The following PTPN4 variants were observed in gnomAD, a reference collection of about 807,000 sequenced individuals.
PTPN4 encodes the protein protein tyrosine phosphatase non-receptor type 4.
A neutral mutation model predicts 135.5 loss-of-function variants in PTPN4; 49 were observed. The observed-to-expected ratio is 0.36, with a 90% CI of 0.29 to 0.46. PTPN4 has a LOEUF of 0.46. Among genes scored for constraint, PTPN4 ranks in the 20% least tolerant of loss-of-function variants. The pLI is 1.00. For missense variants in PTPN4, 860 were observed against 1,101.0 expected (o/e 0.78, Z 3.10); for synonymous variants, 333 against 369.9 (o/e 0.90, Z 1.14).
intron 3 of PTPN4, among the ~76,000 whole-genome samples, chr2:119,870,747 T>C (rs894069626): frequency 1.3e-5 from 2 of 152,194 alleles, no homozygotes; most frequent in African/African-American, 4.8e-5. Context: ...TGAGAAAATA[T>C]GTATTTAGAT....
intron 1 of PTPN4, 75 bp from the exon 2 acceptor site, chr2:119,809,762 A>T (rs1691543394): frequency 7.9e-7 from 1 of 1,271,774 alleles, no homozygotes; most frequent in South Asian, 1.7e-5. Flanking sequence ...GAAATATATA[A>T]TAACTTTGCC....
At position 119,802,146 on chromosome 2, in the gene PTPN4, G is replaced by A. The variant is rs567295824; in HGVS notation, c.-17-7691G>A. Among the ~76,000 whole-genome samples, 87 of 152,046 alleles carry A rather than the reference G, an allele frequency of 5.7e-4. 2 individuals are homozygous for A. In the South Asian group the frequency reaches 0.015, roughly 25 times the overall value. On this transcript the variant is annotated intron_variant, in intron 1 of 26. Coordinates refer to ENST00000263708, the MANE Select transcript of PTPN4 (RefSeq NM_002830.4). ...TCTCGATCTCTTGACCTTGTAATCC[G>A]CCTGCCTTAGCCTCCCAAAGTGCTG...
At chr2:119,854,417 A>G (rs1677641656) in intron 2 of PTPN4, among the ~76,000 whole-genome samples, 1 of 152,210 alleles carries the variant, frequency 6.6e-6, no homozygotes, top group Non-Finnish European at 1.5e-5. Flanking sequence ...CTATCTGCGT[A>G]AAATAATTTC....
chr2:119,833,534 G>A (rs999524024), intron 2 of PTPN4, among the ~76,000 whole-genome samples: 1 of 152,044 alleles, frequency 6.6e-6, no homozygotes, highest in Non-Finnish European at 1.5e-5. Context: ...ATTGAGTCCT[G>A]CTAACTCTTG....
At position 119,982,883 on chromosome 2, in the gene PTPN4, T is replaced by TC. The variant is rs1306595111; in HGVS notation, c.*5813_*5814insC. The TC allele has an allele frequency of 2.0e-5, 3 of 152,224 alleles. No homozygotes were observed. Among genetic ancestry groups the TC allele is most frequent in the Admixed American group, 2.0e-4 (3 of 15,280 alleles). The allele number at this position is 152,224 out of a possible 1,614,324, so 9.4% of individuals were successfully genotyped here. A position where few individuals can be genotyped will look rare whatever the true frequency, so the allele number is the denominator to read the frequency against. On this transcript the variant is annotated 3_prime_UTR_variant, in exon 27 of 27. Transcript: ENST00000263708. ...GCCCAACTCTGAATTGTAGCAGTGA[T>TC]GTCTTATATGCTTACGAGTTTATAT...
chr2:119,762,437 C>T (rs1574319258), intron 1 of PTPN4, among the ~76,000 whole-genome samples: 1 of 151,670 alleles, frequency 6.6e-6, no homozygotes, highest in Non-Finnish European at 1.5e-5. Context: ...TTGAGGTGTA[C>T]AGTACAGTAT....
chr2:119,921,531 C>T (rs547972351), intron 12 of PTPN4, among the ~76,000 whole-genome samples: 1 of 151,710 alleles, frequency 6.6e-6, no homozygotes, highest in Non-Finnish European at 1.5e-5. Context: ...CTCAAAAGTT[C>T]AGTAGTAACA....
chr2:119,922,644 G>C (rs754114572), intron 12 of PTPN4, among the ~76,000 whole-genome samples: 1 of 152,018 alleles, frequency 6.6e-6, no homozygotes, highest in Non-Finnish European at 1.5e-5. Context: ...GTTTTCTTTC[G>C]TACGATATCA....
intron 23 of PTPN4, among the ~76,000 whole-genome samples, chr2:119,962,088 G>A (rs561684606): frequency 1.3e-5 from 2 of 152,244 alleles, no homozygotes; most frequent in South Asian, 4.1e-4. Flanking sequence ...AAAATCTTAA[G>A]ATTTAATGAG....
rs562158193 is a variant in PTPN4, at chr2:119,917,068, T to G, written c.828+1826T>G. Among the ~76,000 whole-genome samples, 11 of 152,336 alleles carry G rather than the reference T, an allele frequency of 7.2e-5. No individual in the cohort carries two copies. The South Asian group carries it at 2.3e-3, about 32-fold the overall frequency. ...TACTTTAAGTAATCATAGATGGCAC[T>G]GTAGAAGTCAACTTTTCTAATTAGA... On this transcript the variant is annotated intron_variant, in intron 11 of 26. Coordinates refer to ENST00000263708, the MANE Select transcript of PTPN4 (RefSeq NM_002830.4).
intron 2 of PTPN4, among the ~76,000 whole-genome samples, chr2:119,833,983 G>A (rs755319406): frequency 1.2e-4 from 19 of 152,114 alleles, no homozygotes; most frequent in Non-Finnish European, 2.2e-4. Context: ...TGATAAACCC[G>A]AATTGCTCGG....
intron 12 of PTPN4, among the ~76,000 whole-genome samples, chr2:119,923,167 A>G (rs1678763296): frequency 6.6e-6 from 1 of 152,184 alleles, no homozygotes; most frequent in Admixed American, 6.5e-5. Context: ...TGAGGCCAGG[A>G]GTTCAAGTCC....
intron 15 of PTPN4, among the ~76,000 whole-genome samples, chr2:119,940,217 G>T (rs144480175): frequency 6.6e-6 from 1 of 152,172 alleles, no homozygotes; most frequent in African/African-American, 2.4e-5. Context: ...GCTTTTTAAA[G>T]TGCCTTGTGC....
At position 119,980,436 on chromosome 2, in the gene PTPN4, A is replaced by G. The variant is rs1023507060; in HGVS notation, c.*3366A>G. The G allele has an allele frequency of 2.0e-5, 3 of 152,072 alleles. No individual in the cohort carries two copies. Among genetic ancestry groups the G allele is most frequent in the African/African-American group, 7.2e-5 (3 of 41,428 alleles). The allele number at this position is 152,072 out of a possible 1,614,324, so 9.4% of individuals were successfully genotyped here. A position where few individuals can be genotyped will look rare whatever the true frequency, so the allele number is the denominator to read the frequency against. On this transcript the variant is annotated 3_prime_UTR_variant, in exon 27 of 27. Transcript: ENST00000263708. ...CAGCTTGAGAGCTGAAAGGAACTTG[A>G]AAAATGTTATCCAGTCTTCACTTAG...
At chr2:119,852,577 A>G (rs936341968) in intron 2 of PTPN4, among the ~76,000 whole-genome samples, 1 of 152,034 alleles carries the variant, frequency 6.6e-6, no homozygotes, top group Non-Finnish European at 1.5e-5. Context: ...TGTTAATTTC[A>G]TTGATCTTTT....
At chr2:119,907,041 C>T (rs1017086740) in intron 10 of PTPN4, among the ~76,000 whole-genome samples, 2 of 152,076 alleles carry the variant, frequency 1.3e-5, no homozygotes, top group Admixed American at 6.6e-5. Context: ...AAATCAAGAA[C>T]GCAATCTCAT....
At chr2:119,857,195 C>T (rs538847323) in intron 2 of PTPN4, among the ~76,000 whole-genome samples, 50 of 151,744 alleles carry the variant, frequency 3.3e-4, no homozygotes, top group African/African-American at 1.1e-3. Flanking sequence ...GGAATTCTCT[C>T]TCAGCCTCCC....
chr2:119,930,488 A>G (rs530651030), intron 13 of PTPN4, among the ~76,000 whole-genome samples: 43 of 152,264 alleles, frequency 2.8e-4, no homozygotes, highest in African/African-American at 9.6e-4. Flanking sequence ...GGAGAGACCT[A>G]TGGGTCATAT....
intron 18 of PTPN4, 114 bp from the exon 19 acceptor site, chr2:119,951,859 C>A: frequency 1.3e-6 from 1 of 780,162 alleles, no homozygotes; most frequent in Non-Finnish European, 1.8e-6. Context: ...ATGAAAGATG[C>A]TTTTCTATAT....
Sources: gnomAD v4.1 joint callset for allele counts (sites outside exome capture counted in the v4.1 genomes callset) on GRCh38, gnomAD v4.1.1 for gene constraint, MANE v1.5 for transcripts, NCBI Gene and HGNC (gene_info 2026-07-23, HGNC 2026-07-21) for gene names.